The following CTIF variants were observed in gnomAD, a reference collection of about 807,000 sequenced individuals.
CTIF encodes the protein cap binding complex dependent translation initiation factor.
Under a neutral mutation model 66.0 loss-of-function variants are expected in CTIF, and 21 were observed. That is an observed-to-expected ratio of 0.32 (90% CI 0.23 to 0.46). CTIF has a LOEUF of 0.46. Among genes scored for constraint, CTIF ranks in the 20% least tolerant of loss-of-function variants. The probability of loss-of-function intolerance (pLI) is 1.00; values close to 1 mark genes in which losing one functional copy is unlikely to be tolerated. For missense variants in CTIF, 739 were observed against 812.7 expected (o/e 0.91, Z 1.10); for synonymous variants, 345 against 326.4 (o/e 1.06, Z -0.62).
chr18:48,627,265 G>A (rs957149009), intron 2 of CTIF, among the ~76,000 whole-genome samples: 2 of 152,142 alleles, frequency 1.3e-5, no homozygotes, highest in African/African-American at 4.8e-5. Context: ...ATTCATTCAG[G>A]CTCTTTTGTA....
intron 9 of CTIF, among the ~76,000 whole-genome samples, chr18:48,809,297 T>C (rs1452737096): frequency 6.6e-6 from 1 of 152,182 alleles, no homozygotes; most frequent in Non-Finnish European, 1.5e-5. Context: ...TCTCAGATTT[T>C]CCATATATTT....
In CTIF at chr18:48,637,050, A is replaced by C. The variant is rs368188060; in HGVS notation, c.252+365A>C. 6.1e-4 allele frequency among the ~76,000 whole-genome samples: 93 copies of C among 152,310 alleles called. 1 individual carries two copies. In the East Asian group the frequency reaches 0.017, roughly 28 times the overall value. ...CTGCACTGAGGGTTCAGGTACCGAC[A>C]TTGCAGCCCCACAAACAATGGGACT... is the stretch of plus-strand genomic sequence containing the variant. On this transcript the variant is annotated intron_variant, in intron 3 of 11. Transcript: ENST00000256413.
At chr18:48,822,018 C>T (rs1423209177) in intron 10 of CTIF, among the ~76,000 whole-genome samples, 1 of 152,168 alleles carries the variant, frequency 6.6e-6, no homozygotes, top group African/African-American at 2.4e-5. Flanking sequence ...AACCACTATT[C>T]GTTGCTTCTT....
At chr18:48,546,041 C>T (rs2088740601) in intron 1 of CTIF, among the ~76,000 whole-genome samples, 1 of 152,102 alleles carries the variant, frequency 6.6e-6, no homozygotes, top group African/African-American at 2.4e-5. Context: ...AGAGCCCTGT[C>T]CCAGCCCCTT....
At chr18:48,857,454 C>A (rs549807531) in intron 10 of CTIF, 134 bp from the exon 11 acceptor site, 44 of 733,114 alleles carry the variant, frequency 6.0e-5, no homozygotes, top group Non-Finnish European at 7.4e-5. Flanking sequence ...CTCACTCTAG[C>A]CTGAACCTTG....
intron 9 of CTIF, among the ~76,000 whole-genome samples, chr18:48,796,268 G>A (rs2067916052): frequency 6.6e-6 from 1 of 152,106 alleles, no homozygotes. Flanking sequence ...CCACCTCCCG[G>A]GTTCATGCCA....
intron 1 of CTIF, among the ~76,000 whole-genome samples, chr18:48,599,036 G>A (rs191024211): frequency 1.9e-3 from 292 of 152,316 alleles, no homozygotes; most frequent in Middle Eastern, 6.8e-3. Context: ...ACCTCTCTGC[G>A]TGGGAGGACT....
chr18:48,676,445 G>C (rs2145080233), intron 6 of CTIF, among the ~76,000 whole-genome samples: 1 of 152,294 alleles, frequency 6.6e-6, no homozygotes, highest in Admixed American at 6.5e-5. Context: ...CTTTCTCTTA[G>C]GAAATTTTGA....
intron 6 of CTIF, among the ~76,000 whole-genome samples, chr18:48,696,030 G>A (rs2092002715): frequency 6.6e-6 from 1 of 152,240 alleles, no homozygotes; most frequent in Non-Finnish European, 1.5e-5. Context: ...AAACAGCCAA[G>A]GAGTGTCACA....
intron 1 of CTIF, among the ~76,000 whole-genome samples, chr18:48,575,261 A>T (rs1435892732): frequency 2.0e-5 from 3 of 152,220 alleles, no homozygotes; most frequent in Admixed American, 6.5e-5. Context: ...CCCTCAAAAC[A>T]GTTCTGTAAT....
intron 8 of CTIF, chr18:48,760,366 A>G (rs1439737176): frequency 1.3e-5 from 2 of 151,950 alleles, no homozygotes; most frequent in East Asian, 1.9e-4. Context: ...TGATCCCACC[A>G]TGGAAGGGCT....
chr18:48,588,988 G>A (rs2089832345), intron 1 of CTIF, among the ~76,000 whole-genome samples: 1 of 152,136 alleles, frequency 6.6e-6, no homozygotes, highest in African/African-American at 2.4e-5. Context: ...TAATCCTCCA[G>A]AGGTTAAGTA....
chr18:48,540,724 C>A (rs757435501), intron 1 of CTIF, among the ~76,000 whole-genome samples: 1 of 151,922 alleles, frequency 6.6e-6, no homozygotes. Flanking sequence ...CACACGGCTC[C>A]GGTGTGTGTG....
intron 7 of CTIF, among the ~76,000 whole-genome samples, chr18:48,734,471 C>T (rs1208297020): frequency 6.6e-6 from 1 of 152,190 alleles, no homozygotes; most frequent in Admixed American, 6.5e-5. Context: ...GAGGCTGAGG[C>T]AGGAGAATCG....
At chr18:48,599,683 C>G (rs1310166546) in intron 1 of CTIF, among the ~76,000 whole-genome samples, 3 of 152,362 alleles carry the variant, frequency 2.0e-5, no homozygotes, top group Non-Finnish European at 4.4e-5. Flanking sequence ...CAGCACCTTC[C>G]TGCTCAGCTG....
intron 6 of CTIF, among the ~76,000 whole-genome samples, chr18:48,691,314 G>A (rs1369037756): frequency 1.3e-5 from 2 of 152,128 alleles, no homozygotes; most frequent in Non-Finnish European, 2.9e-5. Context: ...CTCTGGTGCC[G>A]AAGACAATTC....
chr18:48,620,503 T>C (rs2090474474), intron 2 of CTIF, among the ~76,000 whole-genome samples: 1 of 152,246 alleles, frequency 6.6e-6, no homozygotes, highest in South Asian at 2.1e-4. Flanking sequence ...GGCTTCTAGC[T>C]GCCAGTGTGA....
intron 7 of CTIF, among the ~76,000 whole-genome samples, chr18:48,748,894 C>A (rs749457457): frequency 6.6e-6 from 1 of 152,236 alleles, no homozygotes; most frequent in Non-Finnish European, 1.5e-5. Context: ...CCCAGACAGA[C>A]CCCTCTGTTG....
At chr18:48,719,603 AT>A (rs1376894290) in intron 7 of CTIF, among the ~76,000 whole-genome samples, 3 of 152,214 alleles carry the variant, frequency 2.0e-5, no homozygotes, top group Admixed American at 6.5e-5. Flanking sequence ...GCAGTCAGTC[AT>A]TGACACACAA....
Sources: gnomAD v4.1 joint callset for allele counts (sites outside exome capture counted in the v4.1 genomes callset) on GRCh38, gnomAD v4.1.1 for gene constraint, MANE v1.5 for transcripts, NCBI Gene and HGNC (gene_info 2026-07-23, HGNC 2026-07-21) for gene names.